GPD2: variants seen among roughly 807,000 people sequenced by gnomAD.
GPD2 encodes glycerol-3-phosphate dehydrogenase 2, also known as glycerol-3-phosphate dehydrogenase, mitochondrial.
In GPD2, 54 loss-of-function variants were observed where a neutral mutation model predicts 82.4. The ratio of observed to expected loss-of-function variants is 0.66; its 90% CI spans 0.53 to 0.82. The LOEUF is 0.82. Among genes scored for constraint, GPD2 ranks in the 40% least tolerant of loss-of-function variants. The pLI, the probability that GPD2 is intolerant of heterozygous loss-of-function variation, is 0.00. For missense variants in GPD2, 748 were observed against 896.2 expected (o/e 0.83, Z 2.11); for synonymous variants, 288 against 306.1 (o/e 0.94, Z 0.62).
chr2:156,514,038 T>C (rs1431914242), intron 6 of GPD2, among the ~76,000 whole-genome samples: 2 of 152,198 alleles, frequency 1.3e-5, no homozygotes, highest in Non-Finnish European at 2.9e-5. Context: ...GTTAAACTGC[T>C]CTGAGTTTTT....
intron 2 of GPD2, among the ~76,000 whole-genome samples, chr2:156,484,851 A>G (rs1314377913): frequency 6.6e-6 from 1 of 152,184 alleles, no homozygotes; most frequent in Non-Finnish European, 1.5e-5. Context: ...AAACAAACAA[A>G]TAAACAAACA....
the GPD2 span, among the ~76,000 whole-genome samples, chr2:156,426,345 A>C: frequency 6.6e-6 from 1 of 152,214 alleles, no homozygotes; most frequent in African/African-American, 2.4e-5. Context: ...CCTTCTTCAC[A>C]AGGCAGCAGG....
At chr2:156,529,867 T>C (rs2105303444) in intron 6 of GPD2, among the ~76,000 whole-genome samples, 1 of 152,240 alleles carries the variant, frequency 6.6e-6, no homozygotes, top group Middle Eastern at 3.4e-3. Flanking sequence ...TGAAGTCAGG[T>C]AGCGTGATGC....
At chr2:156,487,302 A>G (rs1683982545) in intron 2 of GPD2, among the ~76,000 whole-genome samples, 1 of 151,606 alleles carries the variant, frequency 6.6e-6, no homozygotes, top group African/African-American at 2.4e-5. Context: ...ACATGGTGAG[A>G]CTCTGTCTCA....
At chr2:156,482,995 A>G (rs1393129516) in intron 2 of GPD2, among the ~76,000 whole-genome samples, 1 of 152,144 alleles carries the variant, frequency 6.6e-6, no homozygotes, top group Admixed American at 6.5e-5. Flanking sequence ...TGTAATTGCA[A>G]TCTCTCCCTC....
chr2:156,425,084 A>AT, the GPD2 span, among the ~76,000 whole-genome samples: 3,385 of 38,030 alleles, frequency 0.089, 49 homozygotes, highest in Non-Finnish European at 0.24. Context: ...ATTTATATTC[A>AT]TTTTATTTTT....
intron 6 of GPD2, among the ~76,000 whole-genome samples, chr2:156,538,982 A>C (rs1686196874): frequency 3.9e-5 from 6 of 152,164 alleles, no homozygotes; most frequent in Admixed American, 2.0e-4. Flanking sequence ...AAGATAATTA[A>C]ATTCTGACTT....
Position 156,480,634 on chromosome 2 carries a change from C to G in GPD2, c.102+4427C>G, listed in dbSNP as rs1023710507. The stretch of plus-strand genomic sequence containing the variant: ...ATGACCTGGTCTGAAGGTGTGGTGG[C>G]TTTGGGCTTTGTGAGCCGAGGTAAA... On this transcript the variant is annotated intron_variant, in intron 2 of 16. Transcript: ENST00000438166. Among the ~76,000 whole-genome samples, 23 of 3,632 alleles carry G rather than the reference C, an allele frequency of 6.3e-3. No homozygotes were observed. In the Non-Finnish European group the frequency reaches 0.15, roughly 23 times the overall value. 2.4% of individuals were successfully genotyped at this position (3,632 alleles called of 152,430 possible).
At chr2:156,492,018 TAAAA>T (rs200337320) in intron 2 of GPD2, among the ~76,000 whole-genome samples, 1 of 133,848 alleles carries the variant, frequency 7.5e-6, no homozygotes, top group East Asian at 2.2e-4. Context: ...AGACTCCATC[TAAAA>T]AAAAAAAAAA....
At chr2:156,529,620 C>G (rs866746903) in intron 6 of GPD2, among the ~76,000 whole-genome samples, 4,029 of 150,776 alleles carry the variant, frequency 0.027, 83 homozygotes, top group Non-Finnish European at 0.043. Flanking sequence ...TTTGTATAAG[C>G]TGTAAGGAAG....
intron 1 of GPD2, among the ~76,000 whole-genome samples, chr2:156,444,720 T>TACAC (rs397789170): frequency 0.011 from 1,618 of 150,156 alleles, 11 homozygotes; most frequent in East Asian, 0.015. Context: ...CAAAAACAAA[T>TACAC]ACACACACAC....
the GPD2 span, among the ~76,000 whole-genome samples, chr2:156,429,806 C>A: frequency 6.6e-6 from 1 of 152,040 alleles, no homozygotes; most frequent in Non-Finnish European, 1.5e-5. Context: ...GTTAAGAATT[C>A]GTGTATCAAG....
chr2:156,563,287 T>G (rs1481476842), intron 9 of GPD2, among the ~76,000 whole-genome samples: 3 of 152,178 alleles, frequency 2.0e-5, no homozygotes, highest in African/African-American at 7.2e-5. Flanking sequence ...TTGAAAAATA[T>G]TATAATTGAC....
intron 6 of GPD2, among the ~76,000 whole-genome samples, chr2:156,516,723 G>A (rs1685211568): frequency 6.6e-6 from 1 of 152,260 alleles, no homozygotes; most frequent in South Asian, 2.1e-4. Context: ...GGAATTATAG[G>A]CGTGAGCCAC....
chr2:156,451,424 C>T (rs1179159059), intron 1 of GPD2, among the ~76,000 whole-genome samples: 2 of 129,040 alleles, frequency 1.5e-5, no homozygotes, highest in South Asian at 2.8e-4. Context: ...GGGGGGCTGA[C>T]CCCCCCACCT....
At chr2:156,446,343 G>T (rs1052245810) in intron 1 of GPD2, among the ~76,000 whole-genome samples, 1 of 151,932 alleles carries the variant, frequency 6.6e-6, no homozygotes, top group African/African-American at 2.4e-5. Context: ...CAGTCCGCCC[G>T]CCTCAACCTC....
intron 13 of GPD2, among the ~76,000 whole-genome samples, chr2:156,578,548 A>G (rs1687906643): frequency 6.6e-6 from 1 of 152,192 alleles, no homozygotes; most frequent in African/African-American, 2.4e-5. Flanking sequence ...AAGACTACAT[A>G]CTATATGAAA....
chr2:156,405,673 G>A, the GPD2 span, among the ~76,000 whole-genome samples: 1 of 152,180 alleles, frequency 6.6e-6, no homozygotes, highest in Non-Finnish European at 1.5e-5. Flanking sequence ...ACGTGATCAA[G>A]CTTGAAGAGA....
intron 9 of GPD2, among the ~76,000 whole-genome samples, chr2:156,560,771 C>G (rs1179777764): frequency 6.6e-6 from 1 of 152,154 alleles, no homozygotes; most frequent in African/African-American, 2.4e-5. Context: ...AGCCACTATT[C>G]TCTTCTAGGC....
Sources: allele counts gnomAD v4.1 joint callset (sites outside exome capture counted in the v4.1 genomes callset), GRCh38; gene constraint gnomAD v4.1.1; transcripts MANE v1.5; gene names NCBI Gene and HGNC (gene_info 2026-07-23, HGNC 2026-07-21).